The following LOC728392 variants were observed in gnomAD, a reference collection of about 807,000 sequenced individuals.
At chr17:5,500,703 C>T in the LOC728392 span, 1 of 1,261,838 alleles carries the variant, frequency 7.9e-7, no homozygotes, top group Non-Finnish European at 1.0e-6. The surrounding 1 kb of genome is among the most constrained non-coding windows in gnomAD (Gnocchi z 5.4). Context: ...GAGATAGCAG[C>T]CCTCGTCCAG....
At chr17:5,500,971 G>T in the LOC728392 span, 2 of 1,239,920 alleles carry the variant, frequency 1.6e-6, no homozygotes, top group South Asian at 1.3e-5. The surrounding 1 kb of genome is among the most constrained non-coding windows in gnomAD (Gnocchi z 5.4). Flanking sequence ...AGGATCGCGG[G>T]TAGGTGGGTC....
the LOC728392 span, chr17:5,500,499 A>AG: frequency 1.7e-6 from 2 of 1,165,892 alleles, no homozygotes; most frequent in South Asian, 1.7e-5. This position sits in a 1 kb window ranked among gnomAD's most constrained non-coding sequence, Gnocchi z 5.4. Flanking sequence ...AGCTACATGA[A>AG]GGGGGTGCAG....
At chr17:5,500,576 AC>A in the LOC728392 span, 16 of 1,242,102 alleles carry the variant, frequency 1.3e-5, no homozygotes, top group East Asian at 2.6e-4. The surrounding 1 kb of genome is among the most constrained non-coding windows in gnomAD (Gnocchi z 5.4). Flanking sequence ...TCCTGCGCCC[AC>A]CCCGTCCCGC....
At chr17:5,499,732 A>G in the LOC728392 span, 2 of 979,098 alleles carry the variant, frequency 2.0e-6, no homozygotes, top group East Asian at 2.3e-4. Flanking sequence ...CCGGGCCAGA[A>G]CGAAGCCATC....
the LOC728392 span, chr17:5,500,558 C>T: frequency 4.9e-6 from 6 of 1,214,280 alleles, no homozygotes; most frequent in African/African-American, 5.0e-5. The surrounding 1 kb of genome is among the most constrained non-coding windows in gnomAD (Gnocchi z 5.4). Flanking sequence ...CTTTCCCTCC[C>T]CGCTCGGTCC....
the LOC728392 span, chr17:5,499,899 G>C: frequency 1.0e-6 from 1 of 985,114 alleles, no homozygotes; most frequent in South Asian, 4.7e-5. Flanking sequence ...CTCCTGGTGA[G>C]ACAGCTCCTC....
the LOC728392 span, chr17:5,500,351 C>T: frequency 9.5e-7 from 1 of 1,048,296 alleles, no homozygotes; most frequent in African/African-American, 1.7e-5. This position sits in a 1 kb window ranked among gnomAD's most constrained non-coding sequence, Gnocchi z 5.4. Context: ...CTCAATCACA[C>T]CCCAAAATTC....
At chr17:5,500,917 C>T in the LOC728392 span, 4 of 1,262,018 alleles carry the variant, frequency 3.2e-6, no homozygotes, top group Non-Finnish European at 4.1e-6. This position sits in a 1 kb window ranked among gnomAD's most constrained non-coding sequence, Gnocchi z 5.4. Flanking sequence ...CGAATCTGCT[C>T]GAGACCCCAG....
the LOC728392 span, chr17:5,500,818 C>T: frequency 1.7e-6 from 2 of 1,177,328 alleles, no homozygotes; most frequent in South Asian, 3.2e-5. This position sits in a 1 kb window ranked among gnomAD's most constrained non-coding sequence, Gnocchi z 5.4. Context: ...GCCTTCTTGC[C>T]CGCGGCCGAC....
At chr17:5,500,810 C>A in the LOC728392 span, 1 of 1,175,260 alleles carries the variant, frequency 8.5e-7, no homozygotes, top group Non-Finnish European at 1.1e-6. The surrounding 1 kb of genome is among the most constrained non-coding windows in gnomAD (Gnocchi z 5.4). Flanking sequence ...GCCGACCAGC[C>A]TTCTTGCCCG....
chr17:5,500,198 C>CGGGTCT, the LOC728392 span: 1 of 987,432 alleles, frequency 1.0e-6, no homozygotes, highest in Non-Finnish European at 1.2e-6. The surrounding 1 kb of genome is among the most constrained non-coding windows in gnomAD (Gnocchi z 5.4). Context: ...TAGAAGGCCG[C>CGGGTCT]GGGTCTGGGT....
the LOC728392 span, chr17:5,499,786 C>A: frequency 1.4e-5 from 14 of 985,788 alleles, no homozygotes; most frequent in African/African-American, 5.2e-5. Flanking sequence ...CCGGCTAGGG[C>A]CCCCAGAGTC....
the LOC728392 span, chr17:5,500,797 C>A: frequency 2.6e-6 from 3 of 1,155,648 alleles, no homozygotes; most frequent in South Asian, 1.7e-5. The surrounding 1 kb of genome is among the most constrained non-coding windows in gnomAD (Gnocchi z 5.4). Context: ...CTCCCGCCCG[C>A]GCGCCGACCA....
the LOC728392 span, chr17:5,500,375 C>T: frequency 9.3e-7 from 1 of 1,073,826 alleles, no homozygotes; most frequent in Non-Finnish European, 1.1e-6. The surrounding 1 kb of genome is among the most constrained non-coding windows in gnomAD (Gnocchi z 5.4). Flanking sequence ...ACGCCTCCAC[C>T]CCTAACCTGC....
At chr17:5,499,683 A>G in the LOC728392 span, 2 of 793,312 alleles carry the variant, frequency 2.5e-6, no homozygotes, top group African/African-American at 3.7e-5. Flanking sequence ...GAAATCCCTC[A>G]GCCCCTTTTG....
chr17:5,500,553 C>T, the LOC728392 span: 1 of 1,210,190 alleles, frequency 8.3e-7, no homozygotes, highest in Non-Finnish European at 1.0e-6. The surrounding 1 kb of genome is among the most constrained non-coding windows in gnomAD (Gnocchi z 5.4). Context: ...TTTCCCTTTC[C>T]CTCCCCGCTC....
the LOC728392 span, chr17:5,500,960 C>A: frequency 8.0e-7 from 1 of 1,246,204 alleles, no homozygotes; most frequent in African/African-American, 1.6e-5. This position sits in a 1 kb window ranked among gnomAD's most constrained non-coding sequence, Gnocchi z 5.4. Context: ...CAGCCATGGG[C>A]AGGATCGCGG....
the LOC728392 span, chr17:5,500,587 C>T: frequency 1.6e-6 from 2 of 1,245,728 alleles, no homozygotes; most frequent in Non-Finnish European, 1.0e-6. The surrounding 1 kb of genome is among the most constrained non-coding windows in gnomAD (Gnocchi z 5.4). Flanking sequence ...CCCCGTCCCG[C>T]GCTGGCCACT....
chr17:5,499,786 C>T, the LOC728392 span: 3 of 985,788 alleles, frequency 3.0e-6, no homozygotes, highest in African/African-American at 3.5e-5. Context: ...CCGGCTAGGG[C>T]CCCCAGAGTC....
Sources: gnomAD v4.1 joint callset for allele counts on GRCh38, gnomAD v4.1.1 for gene constraint, Gnocchi (gnomAD v3.1) non-coding constraint, MANE v1.5 for transcripts.